The following BLTP1 variants were observed in gnomAD, a reference collection of about 807,000 sequenced individuals.
BLTP1 encodes fragile site-associated protein.
At chr4:122,179,831 T>TC in the BLTP1 span, 1 of 984,494 alleles carries the variant, frequency 1.0e-6, no homozygotes, top group Non-Finnish European at 1.2e-6. Context: ...ACTCACTGTA[T>TC]CCCCCTCACA....
the BLTP1 span, chr4:122,255,248 C>T: frequency 6.2e-7 from 1 of 1,610,416 alleles, no homozygotes; most frequent in Admixed American, 1.7e-5. Flanking sequence ...CTATCTGCAC[C>T]AGGCAAATTA....
chr4:122,200,536 G>A, the BLTP1 span: 1 of 936,752 alleles, frequency 1.1e-6, no homozygotes, highest in Non-Finnish European at 1.3e-6. Flanking sequence ...GGCGAGATGT[G>A]TCACTGCACT....
chr4:122,170,808 T>G, the BLTP1 span: 1 of 1,127,648 alleles, frequency 8.9e-7, no homozygotes, highest in Non-Finnish European at 1.3e-6. Context: ...CTGCCAGATT[T>G]TAAACAGTGG....
chr4:122,200,005 C>T, the BLTP1 span: 45 of 976,850 alleles, frequency 4.6e-5, no homozygotes, highest in Middle Eastern at 1.6e-3. Flanking sequence ...GGGACAACAA[C>T]ACTAACAATA....
At chr4:122,192,497 T>G in the BLTP1 span, 7 of 694,956 alleles carry the variant, frequency 1.0e-5, no homozygotes, top group African/African-American at 1.1e-4. Flanking sequence ...GAGGAAGATA[T>G]CACTAAACAT....
chr4:122,246,969 A>G, the BLTP1 span: 1 of 830,520 alleles, frequency 1.2e-6, no homozygotes, highest in Non-Finnish European at 1.4e-6. Flanking sequence ...TTAGTAACAT[A>G]TGTCTTTAAA....
chr4:122,264,326 T>G, the BLTP1 span: 1 of 1,611,476 alleles, frequency 6.2e-7, no homozygotes, highest in South Asian at 1.1e-5. Flanking sequence ...CCAAAATACT[T>G]TGGATGGGAC....
At chr4:122,180,605 T>C in the BLTP1 span, among the ~76,000 whole-genome samples, 1 of 152,176 alleles carries the variant, frequency 6.6e-6, no homozygotes, top group African/African-American at 2.4e-5. Flanking sequence ...TAAAAGTAAA[T>C]GCATTTTGTA....
the BLTP1 span, chr4:122,350,524 C>T: frequency 3.9e-6 from 1 of 257,770 alleles, no homozygotes. Flanking sequence ...AATCACTACC[C>T]TCATGAAGCT....
At chr4:122,159,874 T>C in the BLTP1 span, among the ~76,000 whole-genome samples, 1 of 152,230 alleles carries the variant, frequency 6.6e-6, no homozygotes, top group Non-Finnish European at 1.5e-5. Flanking sequence ...TGAATGTTAT[T>C]TTACCACATA....
the BLTP1 span, among the ~76,000 whole-genome samples, chr4:122,215,078 T>C: frequency 6.6e-6 from 1 of 152,352 alleles, no homozygotes; most frequent in African/African-American, 2.4e-5. Context: ...ACTACAAATG[T>C]ATTAACTCAT....
At chr4:122,325,030 A>T in the BLTP1 span, 2,125 of 170,568 alleles carry the variant, frequency 0.012, 54 homozygotes, top group African/African-American at 0.047. Flanking sequence ...TTTTTATATG[A>T]TTTAGTTTTA....
At chr4:122,172,726 A>G in the BLTP1 span, among the ~76,000 whole-genome samples, 5 of 152,276 alleles carry the variant, frequency 3.3e-5, no homozygotes, top group South Asian at 8.3e-4. Context: ...ATAAAGGTGA[A>G]TTTGTTTCAG....
At chr4:122,256,350 G>A in the BLTP1 span, among the ~76,000 whole-genome samples, 1 of 152,178 alleles carries the variant, frequency 6.6e-6, no homozygotes, top group Admixed American at 6.5e-5. Context: ...TGTAGTTATA[G>A]GTAGAGAAGC....
At chr4:122,208,283 C>A in the BLTP1 span, 1 of 683,226 alleles carries the variant, frequency 1.5e-6, no homozygotes, top group Non-Finnish European at 1.8e-6. Flanking sequence ...AAGTGAGGAA[C>A]AGAGCTTTTG....
chr4:122,231,663 ATT>A, the BLTP1 span: 1 of 962,594 alleles, frequency 1.0e-6, no homozygotes, highest in Non-Finnish European at 1.2e-6. Context: ...CATCTGTATT[ATT>A]TTTTTCTTTT....
the BLTP1 span, chr4:122,214,588 TA>T: frequency 1.2e-6 from 1 of 827,762 alleles, no homozygotes; most frequent in Non-Finnish European, 1.5e-6. Context: ...ACCTTTTTGG[TA>T]ACTATTTTTT....
chr4:122,218,450 C>T, the BLTP1 span, among the ~76,000 whole-genome samples: 1 of 152,196 alleles, frequency 6.6e-6, no homozygotes, highest in Non-Finnish European at 1.5e-5. Context: ...TATTAATCCC[C>T]CTACCAATTA....
the BLTP1 span, among the ~76,000 whole-genome samples, chr4:122,231,447 C>T: frequency 6.6e-6 from 1 of 150,982 alleles, no homozygotes; most frequent in East Asian, 1.9e-4. Context: ...ATTCTGTGTA[C>T]ATTTATTTAC....
Sources: allele counts gnomAD v4.1 joint callset (sites outside exome capture counted in the v4.1 genomes callset), GRCh38; gene constraint gnomAD v4.1.1; transcripts MANE v1.5; gene names NCBI Gene and HGNC (gene_info 2026-07-23, HGNC 2026-07-21).